The following CD8A variants were observed in gnomAD, a reference collection of about 807,000 sequenced individuals.
The protein encoded by CD8A is CD8 subunit alpha.
CD8A carries 25 observed loss-of-function variants against 24.2 expected under a neutral mutation model. The observed-to-expected ratio is 1.03, with a 90% CI of 0.75 to 1.44. The LOEUF (loss-of-function observed/expected upper bound fraction) is 1.44. CD8A is among the 40% of genes most tolerant of loss of function. CD8A has a pLI of 0.00. For missense variants in CD8A, 360 were observed against 319.7 expected (o/e 1.13, Z -0.96); for synonymous variants, 165 against 149.9 (o/e 1.10, Z -0.74).
intron 5 of CD8A, among the ~76,000 whole-genome samples, chr2:86,787,639 C>G (rs1036516248): frequency 2.6e-5 from 4 of 152,130 alleles, no homozygotes; most frequent in Non-Finnish European, 5.9e-5. Flanking sequence ...TAAAAAAAAT[C>G]TATAAAGCAA....
chr2:86,801,648 A>T (rs1296643398), exon 3 of CD8A: 1 of 152,112 alleles, frequency 6.6e-6, no homozygotes, highest in Non-Finnish European at 1.5e-5. Flanking sequence ...CACCTGGTTC[A>T]TGCTTTTGTC....
chr2:86,808,009 C>T (rs1274895285), intron 1 of CD8A: 1 of 152,368 alleles, frequency 6.6e-6, no homozygotes, highest in Non-Finnish European at 1.5e-5. Context: ...ATCTTGCAGC[C>T]CTTCCATCCT....
chr2:86,807,347 A>G (rs1673943461), intron 2 of CD8A: 1 of 152,294 alleles, frequency 6.6e-6, no homozygotes, highest in Non-Finnish European at 1.5e-5. Flanking sequence ...ACAAAACAAA[A>G]CAAACAACAA....
intron 3 of CD8A, among the ~76,000 whole-genome samples, chr2:86,799,963 TAA>T (rs1673613073): frequency 6.6e-6 from 1 of 151,440 alleles, no homozygotes; most frequent in South Asian, 2.1e-4. Context: ...TAACAGAAAT[TAA>T]GTCTGAGTTG....
chr2:86,786,975 G>C (rs1416072287), intron 5 of CD8A, among the ~76,000 whole-genome samples: 3 of 106,726 alleles, frequency 2.8e-5, no homozygotes, highest in Admixed American at 1.5e-4. Flanking sequence ...AGCCGAGATC[G>C]CACCACTGCA....
At chr2:86,797,100 G>A (rs1303296669) in intron 3 of CD8A, among the ~76,000 whole-genome samples, 1 of 152,160 alleles carries the variant, frequency 6.6e-6, no homozygotes, top group Admixed American at 6.5e-5. Context: ...ATCCCCCGGT[G>A]TTTCGGTAAC....
At chr2:86,789,289 C>A in intron 4 of CD8A, 34 bp downstream of exon 4, 6 of 1,384,932 alleles carry the variant, frequency 4.3e-6, no homozygotes, top group South Asian at 1.2e-5. Context: ...GGAGCGGGGC[C>A]GACTCCTTCC....
At position 86,790,510 on chromosome 2, in the gene CD8A, G is replaced by T; in HGVS notation, c.221C>A (p.Ser74Tyr). The T allele has an allele frequency of 3.1e-6, 5 of 1,614,128 alleles. No individual in the cohort carries two copies. The highest frequency in any genetic ancestry group is 4.2e-6 in the Non-Finnish European group (5 of 1,180,034). The stretch of plus-strand genomic sequence containing the variant: ...CTCGGCCGCCTTGGGCTTGTTTTGG[G>T]AGAGGTATAGGAGGAAGGTGGGACT... ...AASPTFLLYLSQNKPKAAEGL... is the reference protein window; with the variant it reads ...AASPTFLLYLYQNKPKAAEGL... The change falls in exon 2 of 6, where the codon TCC becomes TAC. Residue 74 changes from serine (S) to tyrosine (Y), a missense_variant. Coordinates refer to ENST00000283635, the MANE Select transcript of CD8A (RefSeq NM_001768.7).
upstream of CD8A, among the ~76,000 whole-genome samples, chr2:86,795,725 G>A (rs566441108): frequency 1.3e-5 from 2 of 152,182 alleles, no homozygotes. Context: ...CAGGGATTTG[G>A]ATCTGATTTT....
rs745778659 is a variant in CD8A, at chr2:86,787,019, C to CAAAA, written c.657-1052_657-1049dup. Among the ~76,000 whole-genome samples the CAAAA allele has an allele frequency of 8.2e-3, 293 of 35,852 alleles. 11 individuals are homozygous for CAAAA. Among genetic ancestry groups the CAAAA allele is most frequent in the Non-Finnish European group, 8.8e-3 (187 of 21,242 alleles). The allele number at this position is 35,852 out of a possible 152,430, so 23.5% of individuals were successfully genotyped here. On this transcript the variant is annotated intron_variant, in intron 5 of 5. Coordinates refer to ENST00000283635, the MANE Select transcript of CD8A (RefSeq NM_001768.7). ...TGGGCGACATAGCGAGACTCCGTCT[C>CAAAA]AAAAAAAAAAAAAAAAAAAAAGAAA...
At chr2:86,801,413 G>A (rs1034310306) in intron 3 of CD8A, 3 of 151,858 alleles carry the variant, frequency 2.0e-5, no homozygotes, top group African/African-American at 7.3e-5. Flanking sequence ...CCAGGCTGGA[G>A]TGCAGTGGAG....
intron 2 of CD8A, among the ~76,000 whole-genome samples, chr2:86,804,780 G>C (rs929968256): frequency 2.3e-5 from 3 of 133,092 alleles, no homozygotes; most frequent in Middle Eastern, 4.1e-3. Flanking sequence ...GCCATTCACT[G>C]TTCCTTGCTA....
intron 2 of CD8A, among the ~76,000 whole-genome samples, chr2:86,806,608 C>T (rs1472974143): frequency 6.6e-6 from 1 of 152,222 alleles, no homozygotes; most frequent in East Asian, 1.9e-4. Flanking sequence ...GGGCGGGGCA[C>T]GTTGGCTCAC....
chr2:86,790,476 G>GCCCCC lies in CD8A; in HGVS notation c.254_255insGGGGG (p.Asp85GlufsTer20), dbSNP rs1217066116. 1 of 1,614,188 alleles carries GCCCCC rather than the reference G, an allele frequency of 6.2e-7. No individual in the cohort carries two copies. ...ACCTCTTGCCCGAGAACCGCTGGGT[G>GCCCCC]TCCAGCCCCTCGGCCGCCTTGGGCT... is the stretch of plus-strand genomic sequence containing the variant. On this transcript the variant is annotated frameshift_variant, in exon 2 of 6. Coordinates refer to ENST00000283635, the MANE Select transcript of CD8A (RefSeq NM_001768.7). LOFTEE classifies it high-confidence loss of function.
upstream of CD8A, chr2:86,791,213 A>G (rs916747447): frequency 1.2e-5 from 5 of 433,962 alleles, no homozygotes; most frequent in Non-Finnish European, 2.2e-5. Context: ...GGGCGAGAGT[A>G]GGCAGCAAAG....
chr2:86,802,405 T>C (rs1323916233), intron 2 of CD8A, among the ~76,000 whole-genome samples: 1 of 152,198 alleles, frequency 6.6e-6, no homozygotes, highest in South Asian at 2.1e-4. Flanking sequence ...AGGACAATTG[T>C]GCACTATTAA....
upstream of CD8A, chr2:86,791,455 G>C: frequency 2.2e-6 from 1 of 449,216 alleles, no homozygotes; most frequent in East Asian, 7.0e-5. Context: ...GGGTGTCGGT[G>C]TCAGTGCGCT....
rs1437230180 is a variant in CD8A at position 86,805,997 on chromosome 2, C to T, written c.-418+1450G>A. Among the ~76,000 whole-genome samples the T allele has an allele frequency of 2.0e-5, 3 of 151,868 alleles. No individual in the cohort carries two copies. In the East Asian group the frequency reaches 5.8e-4, roughly 29 times the overall value. ...TTGTCACAACAAAATGTGTATGTGA[C>T]AATTTGTTATCTTAAAACAGTTTAC... On this transcript the variant is annotated intron_variant, in intron 2 of 8. Transcript: ENST00000409511.
chr2:86,796,919 C>T (rs1219535519), intron 3 of CD8A, among the ~76,000 whole-genome samples: 1 of 152,182 alleles, frequency 6.6e-6, no homozygotes, highest in African/African-American at 2.4e-5. Flanking sequence ...CACATGATTA[C>T]ATGTCTTCCC....
Sources: gnomAD v4.1 joint callset for allele counts (sites outside exome capture counted in the v4.1 genomes callset) on GRCh38, gnomAD v4.1.1 for gene constraint, MANE v1.5 for transcripts, NCBI Gene and HGNC (gene_info 2026-07-23, HGNC 2026-07-21) for gene names.